ZNF536: variants seen among roughly 807,000 people sequenced by gnomAD.
The protein encoded by ZNF536 is zinc finger protein 536.
ZNF536 carries 13 observed loss-of-function variants against 84.5 expected under a neutral mutation model. The ratio of observed to expected loss-of-function variants is 0.15; its 90% confidence interval spans 0.10 to 0.24. The LOEUF (loss-of-function observed/expected upper bound fraction) is 0.24, where lower values mean the gene tolerates loss of function less well. ZNF536 is among the 10% of genes least tolerant of loss of function. The pLI is 1.00. For missense variants in ZNF536, 1,536 were observed against 1,747.5 expected, an observed-to-expected ratio of 0.88 and a Z score of 2.16; for synonymous variants, 811 against 742.5, an observed-to-expected ratio of 1.09 and a Z score of -1.50.
chr19:30,601,951 C>T (rs573654122), intron 1 of ZNF536, among the ~76,000 whole-genome samples: 3 of 152,306 alleles, frequency 2.0e-5, no homozygotes, highest in African/African-American at 7.2e-5. Flanking sequence ...CCATGTGGCT[C>T]AAGGGCATTG....
chr19:30,553,599 C>T (rs1037239090), intron 4 of ZNF536, among the ~76,000 whole-genome samples: 5 of 152,180 alleles, frequency 3.3e-5, no homozygotes, highest in African/African-American at 9.7e-5. Flanking sequence ...GAGCACACTC[C>T]CCTTTGCCCC....
In ZNF536 at chr19:30,445,768, A is replaced by G. The variant is rs777489725; in HGVS notation, c.2170+36A>G. On this transcript the variant is annotated intron_variant, in intron 2 of 4. Transcript: ENST00000355537. The surrounding 1 kb of genome is among the most constrained non-coding windows in gnomAD (Gnocchi z 4.5). ...TGAGAAGCGGGGAGAAGCAGCTTGT[A>G]CAGCAGCCCTGCTCAGGGCTGCCTG... The G allele has an allele frequency of 6.6e-7, 1 of 1,524,386 alleles. No homozygotes were observed. Among genetic ancestry groups the G allele is most frequent in the Non-Finnish European group, 8.8e-7 (1 of 1,137,582 alleles). The allele number at this position is 1,524,386 out of a possible 1,614,324, so 94.4% of individuals were successfully genotyped here. A position where few individuals can be genotyped will look rare whatever the true frequency, so the allele number is the denominator to read the frequency against.
intron 1 of ZNF536, among the ~76,000 whole-genome samples, chr19:30,709,913 A>C (rs2052395232): frequency 6.6e-6 from 1 of 152,160 alleles, no homozygotes; most frequent in Admixed American, 6.5e-5. Flanking sequence ...CACTGTGTCC[A>C]GCAATTGTTT....
intron 1 of ZNF536, among the ~76,000 whole-genome samples, chr19:30,416,641 T>C (rs1350409787): frequency 6.6e-6 from 1 of 152,136 alleles, no homozygotes; most frequent in Non-Finnish European, 1.5e-5. Context: ...GCAGGCTTTC[T>C]CTCTGGCACT....
chr19:30,355,612 A>C (rs1441361090), intron 3 of ZNF536, among the ~76,000 whole-genome samples: 1 of 151,032 alleles, frequency 6.6e-6, no homozygotes, highest in East Asian at 2.0e-4. Context: ...CTGGTCTTGA[A>C]CTCCTGGGCT....
At chr19:30,460,839 G>A (rs1230135270) in intron 2 of ZNF536, among the ~76,000 whole-genome samples, 1 of 152,132 alleles carries the variant, frequency 6.6e-6, no homozygotes, top group African/African-American at 2.4e-5. Context: ...GGTTAGCTCA[G>A]GGATTGCGAC....
intron 2 of ZNF536, among the ~76,000 whole-genome samples, chr19:30,526,779 C>A (rs73026725): frequency 0.089 from 13,070 of 147,254 alleles, 951 homozygotes; most frequent in Non-Finnish European, 0.14. Flanking sequence ...ACCAGAAACA[C>A]ATTTGGCCCA....
intron 2 of ZNF536, among the ~76,000 whole-genome samples, chr19:30,476,130 A>G (rs2053836134): frequency 6.6e-6 from 1 of 152,122 alleles, no homozygotes; most frequent in Admixed American, 6.5e-5. Flanking sequence ...GGTTCTTGAC[A>G]TTCTTCAGCC....
At chr19:30,519,936 A>C (rs1457770867) in intron 2 of ZNF536, among the ~76,000 whole-genome samples, 1 of 152,234 alleles carries the variant, frequency 6.6e-6, no homozygotes, top group Non-Finnish European at 1.5e-5. Flanking sequence ...AATGTCCTGA[A>C]GGTTAAATTC....
intron 1 of ZNF536, among the ~76,000 whole-genome samples, chr19:30,577,633 T>C (rs952172552): frequency 6.6e-5 from 10 of 152,324 alleles, no homozygotes; most frequent in Admixed American, 5.9e-4. Context: ...TCTTTCTCTG[T>C]TGCTCATTAG....
intron 1 of ZNF536, chr19:30,436,626 A>G (rs188258914): frequency 2.8e-4 from 117 of 412,862 alleles, no homozygotes; most frequent in South Asian, 1.0e-4. Context: ...ACAGGAGTGT[A>G]TTATGCTTAT....
chr19:30,619,493 G>A (rs2048408400), intron 1 of ZNF536, among the ~76,000 whole-genome samples: 1 of 152,186 alleles, frequency 6.6e-6, no homozygotes, highest in South Asian at 2.1e-4. Flanking sequence ...CACAGTGTGT[G>A]GCCTTCAGCC....
chr19:30,240,519 A>G (rs1440682689), intron 1 of ZNF536, among the ~76,000 whole-genome samples: 1 of 152,210 alleles, frequency 6.6e-6, no homozygotes. Context: ...TCCCAGCTGC[A>G]GGTTGCTCTG....
chr19:30,499,277 G>GTATGTATCTATATTTGCATC (rs1472342148), intron 2 of ZNF536, among the ~76,000 whole-genome samples: 1 of 151,988 alleles, frequency 6.6e-6, no homozygotes, highest in Non-Finnish European at 1.5e-5. Flanking sequence ...ATCTATTTAT[G>GTATGTATCTATATTTGCATC]TATGTATCTA....
At chr19:30,596,894 C>T (rs574358379) in intron 1 of ZNF536, among the ~76,000 whole-genome samples, 1 of 151,780 alleles carries the variant, frequency 6.6e-6, no homozygotes, top group East Asian at 1.9e-4. Flanking sequence ...AAAGGAGGCT[C>T]TCTTATTACT....
chr19:30,277,709 G>A (rs534034851), intron 1 of ZNF536, among the ~76,000 whole-genome samples: 261 of 152,314 alleles, frequency 1.7e-3, no homozygotes, highest in African/African-American at 5.8e-3. Context: ...GCCTGTGTGC[G>A]GAGGCCTGAT....
chr19:30,337,781 G>A (rs563255172), intron 2 of ZNF536, among the ~76,000 whole-genome samples: 1 of 152,198 alleles, frequency 6.6e-6, no homozygotes, highest in Admixed American at 6.5e-5. Flanking sequence ...TGAGGATAAA[G>A]CGAATAGCAG....
chr19:30,538,886 G>C (rs577345256), intron 3 of ZNF536, among the ~76,000 whole-genome samples: 61 of 152,154 alleles, frequency 4.0e-4, no homozygotes, highest in African/African-American at 1.2e-3. Flanking sequence ...CATCAGTCAG[G>C]GTTCTCCAGA....
At chr19:30,657,345 C>G (rs2049951109) in intron 1 of ZNF536, among the ~76,000 whole-genome samples, 1 of 152,196 alleles carries the variant, frequency 6.6e-6, no homozygotes. Flanking sequence ...ACTCTACAGA[C>G]TTGGAGAGTC....
Sources: allele counts gnomAD v4.1 joint callset (sites outside exome capture counted in the v4.1 genomes callset), GRCh38; gene constraint gnomAD v4.1.1; non-coding constraint Gnocchi (gnomAD v3.1); transcripts MANE v1.5; gene names NCBI Gene and HGNC (gene_info 2026-07-23, HGNC 2026-07-21).